Variants in GCFC2 observed in about 807,000 individuals in gnomAD.
GCFC2 encodes the protein GC-rich sequence DNA-binding factor 2, also known as intron Large complex component GCFC2.
GCFC2 carries 102 observed loss-of-function variants against 99.4 expected under a neutral mutation model. The ratio of observed to expected loss-of-function variants is 1.03; its 90% confidence interval spans 0.87 to 1.21. The LOEUF (loss-of-function observed/expected upper bound fraction) is 1.21, where lower values mean the gene tolerates loss of function less well. Among genes scored for constraint, GCFC2 ranks in the 50% most tolerant of loss-of-function variants. GCFC2 has a pLI of 0.00. For missense variants in GCFC2, 973 were observed against 920.9 expected (o/e 1.06, Z -0.73); for synonymous variants, 338 against 316.8 (o/e 1.07, Z -0.71).
intron 4 of GCFC2, among the ~76,000 whole-genome samples, chr2:75,700,423 T>G (rs1007641767): frequency 3.9e-5 from 6 of 152,120 alleles, no homozygotes; most frequent in Non-Finnish European, 5.9e-5. Flanking sequence ...AAATGATATA[T>G]ATTATCTATT....
In GCFC2 at chr2:75,663,111, T is replaced by C. The variant is rs1410142254; in HGVS notation, c.*1555A>G. 1 of 152,152 alleles carries C rather than the reference T, an allele frequency of 6.6e-6. No individual in the cohort carries two copies. Among genetic ancestry groups the C allele is most frequent in the Non-Finnish European group, 1.5e-5 (1 of 68,004 alleles). 9.4% of individuals were successfully genotyped at this position (152,152 alleles called of 1,614,324 possible). On this transcript the variant is annotated 3_prime_UTR_variant, in exon 17 of 17. Transcript: ENST00000321027. ...TCCTTGTATAATTTTGTTACTAATA[T>C]AAACATCAAAAAATTCTTCATACCA...
At chr2:75,712,478 CA>C (rs1382057634), upstream of GCFC2, among the ~76,000 whole-genome samples, 1 of 152,162 alleles carries the variant, frequency 6.6e-6, no homozygotes, top group Non-Finnish European at 1.5e-5. Flanking sequence ...ACGGCCCTGT[CA>C]AAACAGGCCG....
chr2:75,689,922 C>T (rs1444298322), intron 9 of GCFC2, 47 bp downstream of exon 9: 2 of 971,144 alleles, frequency 2.1e-6, no homozygotes, highest in Non-Finnish European at 3.2e-6. Flanking sequence ...GTGTTTCTCA[C>T]CATTTCAAAA....
rs58251159 is a variant in GCFC2, at chr2:75,675,849, TG to T, written c.1813-2330del. Among the ~76,000 whole-genome samples the T allele has an allele frequency of 6.8e-3, 1,035 of 152,334 alleles. 8 individuals carry two copies. Among genetic ancestry groups the T allele is most frequent in the African/African-American group, 0.018 (761 of 41,586 alleles). ...TAAGTATTAAATAACATCATTTGTTTGATGGAAAATAAGGTTCTCCAAACAG... is the reference window on the plus strand; with the variant it reads ...TAAGTATTAAATAACATCATTTGTTTATGGAAAATAAGGTTCTCCAAACAG... On this transcript the variant is annotated intron_variant, in intron 12 of 16. Transcript: ENST00000321027.
At position 75,665,991 on chromosome 2, in the gene GCFC2, C is replaced by G; in HGVS notation, c.2166G>C (p.Gln722His). ...ENSAMRTSIP[Q>H]LENFIQFLLQ... ...ATAAAAACTGAATGAAGTTTTCTAG[C>G]TGTGGAATAGATGTCCTCATGGCAG... is the stretch of plus-strand genomic sequence containing the variant. Residue 722 changes from glutamine (Q) to histidine (H), a missense_variant, in exon 16 of 17, where the codon CAG becomes CAC. Coordinates refer to ENST00000321027, the MANE Select transcript of GCFC2 (RefSeq NM_003203.5). 3.1e-6 allele frequency: 5 copies of G among 1,599,826 alleles called. No homozygotes were observed. In the South Asian group the frequency reaches 5.5e-5, roughly 18 times the overall value.
chr2:75,675,677 G>C (rs558413753), intron 12 of GCFC2, among the ~76,000 whole-genome samples: 3 of 150,678 alleles, frequency 2.0e-5, no homozygotes, highest in East Asian at 3.9e-4. Context: ...ACAGGAGGTG[G>C]AGGTTGCAGT....
rs551146096 is a variant in GCFC2, at chr2:75,673,036, C to T, written c.1889+408G>A. Among the ~76,000 whole-genome samples the T allele has an allele frequency of 1.9e-4, 29 of 152,274 alleles. No individual in the cohort carries two copies. The East Asian group carries it at 4.1e-3, about 21-fold the overall frequency. The stretch of plus-strand genomic sequence containing the variant: ...TTTGAAAACACTATAGTTGGCCGGG[C>T]GCGGTGGCTCACGCCTGTAATCCCA... On this transcript the variant is annotated intron_variant, in intron 13 of 16. Coordinates refer to ENST00000321027, the MANE Select transcript of GCFC2 (RefSeq NM_003203.5).
intron 12 of GCFC2, among the ~76,000 whole-genome samples, chr2:75,674,542 A>G (rs3771878): frequency 0.85 from 129,910 of 152,116 alleles, 55,956 homozygotes; most frequent in African/African-American, 0.96. Flanking sequence ...GATGGTATTA[A>G]TCCTTGTACT....
chr2:75,692,714 A>G (rs1456541432), intron 6 of GCFC2, among the ~76,000 whole-genome samples: 1 of 152,084 alleles, frequency 6.6e-6, no homozygotes, highest in Non-Finnish European at 1.5e-5. Flanking sequence ...TTGAGATAGA[A>G]GATTTTTTTT....
intron 12 of GCFC2, among the ~76,000 whole-genome samples, chr2:75,678,622 G>A (rs974790760): frequency 2.6e-5 from 4 of 152,152 alleles, no homozygotes; most frequent in South Asian, 2.1e-4. Flanking sequence ...CTCAAGGGGA[G>A]GCAACATGGT....
At chr2:75,673,239 C>T (rs944486495) in intron 13 of GCFC2, among the ~76,000 whole-genome samples, 8 of 151,388 alleles carry the variant, frequency 5.3e-5, no homozygotes, top group African/African-American at 1.7e-4. Context: ...ACCTGGGAGG[C>T]GGAGCTTGCA....
At position 75,710,827 on chromosome 2, in the gene GCFC2, C is replaced by G. The variant is rs1475095375; in HGVS notation, c.29G>C (p.Arg10Pro). 1.3e-6 allele frequency: 2 copies of G among 1,578,074 alleles called. No homozygotes were observed. Among genetic ancestry groups the G allele is most frequent in the African/African-American group, 1.4e-5 (1 of 71,252 alleles). The change falls in exon 1 of 17, where the codon CGG becomes CCG. Residue 10 changes from arginine (R) to proline (P), a missense_variant. Physicochemically the swap from Arg to Pro is moderately radical, Grantham distance 103. Transcript: ENST00000321027. Reference sequence around the variant, plus strand: ...GTCGCTGGAATCAGCCGCGCGCTGCCGAAAAGTCCTTTTCGGCCTGTGAGC... The same window carrying G: ...GTCGCTGGAATCAGCCGCGCGCTGCGGAAAAGTCCTTTTCGGCCTGTGAGC... MAHRPKRTF[R>P]QRAADSSDSD... is the part of the protein sequence containing the mutation.
chr2:75,699,562 ACATT>A (rs1553436993), intron 4 of GCFC2, among the ~76,000 whole-genome samples: 2 of 152,146 alleles, frequency 1.3e-5, no homozygotes, highest in African/African-American at 2.4e-5. Context: ...TTTAAACTTT[ACATT>A]CATTCATTCA....
At chr2:75,690,209 T>G in intron 8 of GCFC2, 128 bp from the exon 9 acceptor site, 2 of 635,286 alleles carry the variant, frequency 3.1e-6, no homozygotes, top group South Asian at 1.9e-5. Flanking sequence ...TGGCCAGAAA[T>G]ATACTATCAT....
chr2:75,701,507 G>A, intron 3 of GCFC2: 1 of 494,152 alleles, frequency 2.0e-6, no homozygotes, highest in Non-Finnish European at 3.6e-6. Flanking sequence ...CTATGTTGAA[G>A]CTGGAAGCTG....
At position 75,689,222 on chromosome 2, in the gene GCFC2, T is replaced by C; in HGVS notation, c.1343A>G (p.Asp448Gly). Reference protein sequence around the residue: ...EMIDFQKSQGDILQKQKKVFE... With the variant: ...EMIDFQKSQGGILQKQKKVFE... ...AACTTTCTTCTGTTTCTGTAAAATGTCACCTGTAAACAAAATAAGTCTCTT... is the reference window on the plus strand; with the variant it reads ...AACTTTCTTCTGTTTCTGTAAAATGCCACCTGTAAACAAAATAAGTCTCTT... The change falls in exon 10 of 17, where the codon GAC becomes GGC. Residue 448 changes from aspartate (D) to glycine (G), a missense_variant. Physicochemically the swap from Asp to Gly is moderately conservative, Grantham distance 94. Coordinates refer to ENST00000321027, the MANE Select transcript of GCFC2 (RefSeq NM_003203.5). 1 of 1,558,368 alleles carries C rather than the reference T, an allele frequency of 6.4e-7. No homozygotes were observed. Among genetic ancestry groups the C allele is most frequent in the East Asian group, 2.3e-5 (1 of 44,390 alleles).
intron 11 of GCFC2, among the ~76,000 whole-genome samples, chr2:75,685,258 T>C (rs1237532066): frequency 6.6e-6 from 1 of 152,154 alleles, no homozygotes; most frequent in African/African-American, 2.4e-5. Context: ...TCTAGTATTG[T>C]TCCATTTCCC....
intron 12 of GCFC2, among the ~76,000 whole-genome samples, chr2:75,676,662 A>G (rs1381965069): frequency 6.6e-6 from 1 of 152,178 alleles, no homozygotes; most frequent in Non-Finnish European, 1.5e-5. Flanking sequence ...CTGTTACTCA[A>G]GTGACACTGC....
chr2:75,686,968 CTT>C (rs1233297955), intron 11 of GCFC2, among the ~76,000 whole-genome samples: 1 of 149,900 alleles, frequency 6.7e-6, no homozygotes, highest in African/African-American at 2.5e-5. Context: ...GAGTTTCACT[CTT>C]GTCACCCAGG....
Sources: allele counts gnomAD v4.1 joint callset (sites outside exome capture counted in the v4.1 genomes callset), GRCh38; gene constraint gnomAD v4.1.1; transcripts MANE v1.5; gene names NCBI Gene and HGNC (gene_info 2026-07-23, HGNC 2026-07-21).